PPARGC1A: variants seen among roughly 807,000 people sequenced by gnomAD.
PPARGC1A encodes the protein PPARG coactivator 1 alpha, also known as peroxisome proliferator-activated receptor gamma coactivator 1-alpha.
A neutral mutation model predicts 88.7 loss-of-function variants in PPARGC1A; 25 were observed. That is an observed-to-expected ratio of 0.28 (90% confidence interval 0.21 to 0.39). The LOEUF (loss-of-function observed/expected upper bound fraction) is 0.39, where lower values mean the gene tolerates loss of function less well. Ranked by LOEUF, PPARGC1A falls within the 10% of genes least tolerant of loss-of-function variation. PPARGC1A has a pLI of 1.00. For missense variants in PPARGC1A, 880 were observed against 968.7 expected (o/e 0.91, Z 1.22); for synonymous variants, 363 against 355.6 (o/e 1.02, Z -0.24).
the PPARGC1A span, among the ~76,000 whole-genome samples, chr4:23,972,425 T>G: frequency 6.6e-6 from 1 of 152,218 alleles, no homozygotes; most frequent in East Asian, 1.9e-4. Context: ...GGATTGCAGA[T>G]GAGGGCTTAC....
the PPARGC1A span, among the ~76,000 whole-genome samples, chr4:24,261,749 A>G: frequency 1.3e-5 from 2 of 151,848 alleles, no homozygotes; most frequent in South Asian, 4.2e-4. Context: ...CTATTTGCCT[A>G]TTTCTGACTA....
chr4:23,872,299 T>C (rs961805564), intron 2 of PPARGC1A, among the ~76,000 whole-genome samples: 1 of 152,156 alleles, frequency 6.6e-6, no homozygotes, highest in Non-Finnish European at 1.5e-5. Flanking sequence ...CTTCCCTTGG[T>C]TGGCTTCCTC....
At chr4:24,168,974 T>C in the PPARGC1A span, among the ~76,000 whole-genome samples, 1 of 152,130 alleles carries the variant, frequency 6.6e-6, no homozygotes, top group Non-Finnish European at 1.5e-5. Context: ...AAGTCCTGTG[T>C]TTAAAAAGGG....
the PPARGC1A span, among the ~76,000 whole-genome samples, chr4:23,916,600 T>C: frequency 6.6e-6 from 1 of 152,186 alleles, no homozygotes; most frequent in South Asian, 2.1e-4. Context: ...TTTCATCTCA[T>C]ATCTCACGTG....
the PPARGC1A span, among the ~76,000 whole-genome samples, chr4:24,206,961 G>C: frequency 2.0e-5 from 3 of 147,674 alleles, no homozygotes; most frequent in South Asian, 4.3e-4. Flanking sequence ...TTTTACAATT[G>C]GTAGGGAGAA....
At chr4:24,035,588 TA>T in the PPARGC1A span, among the ~76,000 whole-genome samples, 1 of 151,600 alleles carries the variant, frequency 6.6e-6, no homozygotes, top group Admixed American at 6.6e-5. Context: ...AAAATAAAAA[TA>T]AAAAACTTTG....
At chr4:24,404,027 G>C in the PPARGC1A span, among the ~76,000 whole-genome samples, 1 of 152,080 alleles carries the variant, frequency 6.6e-6, no homozygotes. Context: ...ACTTTGGGAG[G>C]CTAAGGTGGG....
chr4:23,826,037 C>T (rs1723867888), intron 5 of PPARGC1A, among the ~76,000 whole-genome samples: 3 of 152,084 alleles, frequency 2.0e-5, no homozygotes, highest in South Asian at 4.1e-4. Flanking sequence ...AAATCAGTCA[C>T]TGAAATTCTG....
the PPARGC1A span, among the ~76,000 whole-genome samples, chr4:23,995,792 G>A: frequency 6.6e-6 from 1 of 152,070 alleles, no homozygotes; most frequent in East Asian, 1.9e-4. Flanking sequence ...TCCTCATCCT[G>A]ATTGTCATTT....
chr4:24,153,568 A>G, the PPARGC1A span, among the ~76,000 whole-genome samples: 4 of 152,230 alleles, frequency 2.6e-5, no homozygotes, highest in African/African-American at 9.6e-5. Context: ...AAATATGAGG[A>G]TAACTAGAAA....
intron 2 of PPARGC1A, among the ~76,000 whole-genome samples, chr4:23,860,876 G>A (rs1281993319): frequency 2.0e-5 from 3 of 152,102 alleles, no homozygotes; most frequent in Non-Finnish European, 4.4e-5. Flanking sequence ...CTAGACTCTT[G>A]GTAATATTTA....
the PPARGC1A span, among the ~76,000 whole-genome samples, chr4:24,047,226 A>C: frequency 6.6e-6 from 1 of 151,956 alleles, no homozygotes; most frequent in Non-Finnish European, 1.5e-5. Context: ...TACTGTCCCT[A>C]TTTGCCTGAT....
the PPARGC1A span, among the ~76,000 whole-genome samples, chr4:24,128,793 C>T: frequency 6.6e-6 from 1 of 152,174 alleles, no homozygotes; most frequent in East Asian, 1.9e-4. Context: ...GCCTTGATAA[C>T]TTCCCTAATC....
the PPARGC1A span, among the ~76,000 whole-genome samples, chr4:24,408,841 C>T: frequency 2.7e-3 from 407 of 152,254 alleles, 3 homozygotes; most frequent in Middle Eastern, 0.01. Flanking sequence ...AGCCAGCCCA[C>T]GGAAACACGA....
chr4:24,253,075 T>C, the PPARGC1A span, among the ~76,000 whole-genome samples: 4 of 152,294 alleles, frequency 2.6e-5, no homozygotes, highest in South Asian at 8.3e-4. Flanking sequence ...GAATTTATCT[T>C]TTTTAAAAAG....
At chr4:23,941,677 G>A in the PPARGC1A span, among the ~76,000 whole-genome samples, 5 of 152,076 alleles carry the variant, frequency 3.3e-5, no homozygotes, top group Admixed American at 2.0e-4. Flanking sequence ...ATGTGAGATC[G>A]TTCTAGCTCT....
At chr4:23,949,200 A>C in the PPARGC1A span, among the ~76,000 whole-genome samples, 1 of 152,184 alleles carries the variant, frequency 6.6e-6, no homozygotes, top group African/African-American at 2.4e-5. Context: ...TATGTACTAC[A>C]TACATAGATG....
chr4:23,846,531 A>G (rs1328976127), intron 2 of PPARGC1A, among the ~76,000 whole-genome samples: 1 of 152,036 alleles, frequency 6.6e-6, no homozygotes, highest in Non-Finnish European at 1.5e-5. Context: ...CAATTCATTA[A>G]CCTCCATAGA....
At chr4:23,877,298 C>T (rs781508132) in intron 2 of PPARGC1A, among the ~76,000 whole-genome samples, 7 of 142,740 alleles carry the variant, frequency 4.9e-5, no homozygotes, top group Non-Finnish European at 1.5e-5. Context: ...AGGCGAATCA[C>T]GAGGTCAGGA....
Sources: allele counts gnomAD v4.1 joint callset (sites outside exome capture counted in the v4.1 genomes callset), GRCh38; gene constraint gnomAD v4.1.1; transcripts MANE v1.5; gene names NCBI Gene and HGNC (gene_info 2026-07-23, HGNC 2026-07-21).